PLEKHG1: variants seen among roughly 807,000 people sequenced by gnomAD.
The protein encoded by PLEKHG1 is pleckstrin homology and RhoGEF domain containing G1.
PLEKHG1 carries 44 observed loss-of-function variants against 100.8 expected under a neutral mutation model. That is an observed-to-expected ratio of 0.44 (90% CI 0.34 to 0.56). PLEKHG1 has a LOEUF of 0.56. PLEKHG1 is among the 20% of genes least tolerant of loss of function. The pLI, the probability that PLEKHG1 is intolerant of heterozygous loss-of-function variation, is 0.01. For missense variants in PLEKHG1, 1,545 were observed against 1,720.9 expected (o/e 0.90, Z 1.81); for synonymous variants, 640 against 662.5 (o/e 0.97, Z 0.52).
At chr6:150,606,189 C>T (rs1037722401) in intron 1 of PLEKHG1, among the ~76,000 whole-genome samples, 4 of 152,124 alleles carry the variant, frequency 2.6e-5, no homozygotes, top group Admixed American at 2.6e-4. Context: ...TAAAATTGGC[C>T]TACACATAAC....
At position 150,600,617 on chromosome 6, in the gene PLEKHG1, CAA is replaced by C. The variant is rs1393365132; in HGVS notation, c.-204+601_-204+602del. On this transcript the variant is annotated intron_variant, in intron 1 of 3. Transcript: ENST00000367326. The surrounding 1 kb of genome is among the most constrained non-coding windows in gnomAD (Gnocchi z 6.2). The stretch of plus-strand genomic sequence containing the variant: ...ATGCGCTTTTCAGGGGGTGGGGAGT[CAA>C]GAGCCTGTGGCTCTTCCGTCACGGG... 1.3e-5 allele frequency among the ~76,000 whole-genome samples: 2 copies of C among 152,212 alleles called. No homozygotes were observed. The highest frequency in any genetic ancestry group is 2.9e-5 in the Non-Finnish European group (2 of 68,036).
At chr6:150,703,675 G>T (rs1241645802) in intron 3 of PLEKHG1, among the ~76,000 whole-genome samples, 1 of 151,410 alleles carries the variant, frequency 6.6e-6, no homozygotes, top group Non-Finnish European at 1.5e-5. Context: ...AATCAGTCTA[G>T]AATATATTCT....
chr6:150,704,920 C>T (rs1780943949), intron 3 of PLEKHG1, among the ~76,000 whole-genome samples: 1 of 152,160 alleles, frequency 6.6e-6, no homozygotes, highest in Non-Finnish European at 1.5e-5. Context: ...CAAGATCTCT[C>T]GTATTTCCTT....
chr6:150,718,991 G>T (rs757639354), upstream of PLEKHG1, among the ~76,000 whole-genome samples: 11 of 152,012 alleles, frequency 7.2e-5, no homozygotes, highest in Non-Finnish European at 1.5e-4. Context: ...TTTGATATTT[G>T]TAGATGCAGT....
At chr6:150,804,046 C>T (rs1436162261) in intron 6 of PLEKHG1, among the ~76,000 whole-genome samples, 1 of 148,156 alleles carries the variant, frequency 6.7e-6, no homozygotes, top group Non-Finnish European at 1.5e-5. Context: ...AATCCTATTC[C>T]ACTTTTATCT....
intron 1 of PLEKHG1, among the ~76,000 whole-genome samples, chr6:150,732,940 T>C (rs573297400): frequency 2.2e-3 from 338 of 152,360 alleles, no homozygotes; most frequent in Non-Finnish European, 3.7e-3. Context: ...CTCTATCTTT[T>C]TCTTGCCTAG....
intron 3 of PLEKHG1, among the ~76,000 whole-genome samples, chr6:150,712,678 T>C (rs1342552642): frequency 6.6e-6 from 1 of 152,224 alleles, no homozygotes; most frequent in Non-Finnish European, 1.5e-5. Flanking sequence ...TTCATGTACC[T>C]CTGTGGGAAC....
chr6:150,677,519 T>C (rs1223409982), intron 3 of PLEKHG1, among the ~76,000 whole-genome samples: 2 of 152,152 alleles, frequency 1.3e-5, no homozygotes, highest in Non-Finnish European at 2.9e-5. Flanking sequence ...GGGACATCTT[T>C]ATGATCTAGG....
chr6:150,630,556 T>C (rs901320243), intron 1 of PLEKHG1, among the ~76,000 whole-genome samples: 1 of 152,134 alleles, frequency 6.6e-6, no homozygotes, highest in African/African-American at 2.4e-5. Context: ...AGGTTGTGAA[T>C]ATGGGAAAAG....
chr6:150,601,245 A>C (rs1036679485), intron 1 of PLEKHG1, among the ~76,000 whole-genome samples: 2 of 152,200 alleles, frequency 1.3e-5, no homozygotes, highest in Non-Finnish European at 2.9e-5. Context: ...TACTTCTAAA[A>C]AATGTAGAGA....
At chr6:150,756,202 A>C (rs935431259) in intron 2 of PLEKHG1, among the ~76,000 whole-genome samples, 1 of 152,130 alleles carries the variant, frequency 6.6e-6, no homozygotes, top group African/African-American at 2.4e-5. Context: ...GAGAAAGTCA[A>C]GTTTCTGGGG....
intron 3 of PLEKHG1, among the ~76,000 whole-genome samples, chr6:150,783,741 G>A (rs915723406): frequency 4.6e-5 from 7 of 152,066 alleles, no homozygotes; most frequent in Non-Finnish European, 8.8e-5. Flanking sequence ...GACTGAAAAA[G>A]CTTTTTTGTT....
At chr6:150,825,320 A>G (rs571368452) in intron 14 of PLEKHG1, among the ~76,000 whole-genome samples, 180 of 152,302 alleles carry the variant, frequency 1.2e-3, no homozygotes, top group Non-Finnish European at 1.9e-3. Context: ...ACACACCTGT[A>G]ATCCTAGCAC....
intron 3 of PLEKHG1, among the ~76,000 whole-genome samples, chr6:150,688,521 C>T (rs1337710821): frequency 6.6e-6 from 1 of 152,072 alleles, no homozygotes; most frequent in Non-Finnish European, 1.5e-5. Flanking sequence ...AGGGCTTCAC[C>T]ATATTGGCCA....
intron 15 of PLEKHG1, among the ~76,000 whole-genome samples, chr6:150,838,510 G>C (rs1415688569): frequency 6.6e-6 from 1 of 152,230 alleles, no homozygotes; most frequent in Admixed American, 6.5e-5. Flanking sequence ...GAAGCCAAAA[G>C]ATTGGACACC....
At chr6:150,729,270 C>T (rs573089700) in intron 1 of PLEKHG1, among the ~76,000 whole-genome samples, 25 of 152,178 alleles carry the variant, frequency 1.6e-4, no homozygotes, top group Non-Finnish European at 2.8e-4. Context: ...CTAGGTTGCC[C>T]AGGCTAGTCT....
chr6:150,832,352 C>A, intron 15 of PLEKHG1, 147 bp downstream of exon 16: 1 of 660,922 alleles, frequency 1.5e-6, no homozygotes, highest in Non-Finnish European at 2.5e-6. Flanking sequence ...CAAAGCCATA[C>A]TGGCCTTTCT....
intron 12 of PLEKHG1, 27 bp from the exon 14 acceptor site, chr6:150,821,168 T>C: frequency 6.2e-7 from 1 of 1,606,736 alleles, no homozygotes; most frequent in Non-Finnish European, 8.5e-7. Context: ...GTTTTGCCAA[T>C]GATGCTGGCT....
chr6:150,777,544 T>C (rs576339529), intron 3 of PLEKHG1, among the ~76,000 whole-genome samples: 24 of 144,020 alleles, frequency 1.7e-4, no homozygotes, highest in African/African-American at 5.5e-4. Flanking sequence ...GGTTGCACAT[T>C]ACTCACACTG....
Sources: gnomAD v4.1 joint callset for allele counts (sites outside exome capture counted in the v4.1 genomes callset) on GRCh38, gnomAD v4.1.1 for gene constraint, Gnocchi (gnomAD v3.1) non-coding constraint, MANE v1.5 for transcripts, NCBI Gene and HGNC (gene_info 2026-07-23, HGNC 2026-07-21) for gene names.